The following POLD3 variants were observed in gnomAD, a reference collection of about 807,000 sequenced individuals.
The protein encoded by POLD3 is DNA polymerase delta 3, accessory subunit.
In POLD3, 19 loss-of-function variants were observed where a neutral mutation model predicts 58.2. The observed-to-expected ratio is 0.33, with a 90% CI of 0.23 to 0.48. POLD3 has a LOEUF of 0.48. Among genes scored for constraint, POLD3 ranks in the 20% least tolerant of loss-of-function variants. The pLI is 0.99. For missense variants in POLD3, 504 were observed against 545.5 expected (o/e 0.92, Z 0.76); for synonymous variants, 172 against 193.5 (o/e 0.89, Z 0.92).
At chr11:74,668,581 G>A (rs2033300272) in intron 4 of POLD3, among the ~76,000 whole-genome samples, 1 of 152,116 alleles carries the variant, frequency 6.6e-6, no homozygotes, top group Non-Finnish European at 1.5e-5. Context: ...ACCCAGTACA[G>A]GGCCAACTGG....
chr11:74,657,594 C>G (rs1000754085), intron 4 of POLD3, among the ~76,000 whole-genome samples: 1 of 151,854 alleles, frequency 6.6e-6, no homozygotes, highest in Non-Finnish European at 1.5e-5. Flanking sequence ...TTATTTATAC[C>G]TTATTGTACT....
intron 11 of POLD3, chr11:74,638,678 G>A: frequency 6.6e-6 from 3 of 455,956 alleles, no homozygotes; most frequent in South Asian, 4.7e-5. Flanking sequence ...TGAACGAATA[G>A]GTATGCCATG....
chr11:74,592,822 C>A, intron 1 of POLD3, 104 bp downstream of exon 1: 1 of 1,547,742 alleles, frequency 6.5e-7, no homozygotes, highest in Non-Finnish European at 8.7e-7. Context: ...TTCGTGGGGA[C>A]CAGGGGAGAC....
downstream of POLD3, among the ~76,000 whole-genome samples, chr11:74,645,092 A>G (rs1210204181): frequency 6.6e-6 from 1 of 152,246 alleles, no homozygotes; most frequent in African/African-American, 2.4e-5. Flanking sequence ...ATTTGACACA[A>G]TGCTTAGATG....
Position 74,618,596 on chromosome 11 carries a change from C to T in POLD3, c.452C>T (p.Ser151Phe), listed in dbSNP as rs1000133184. ...AGAGCTCCTGCTGAATCCTCTTCGT[C>T]TTCCAAAAAGTTTGAGCAGTCACAT... ...VPRAPAESSS[S>F]SKKFEQSHLH... Residue 151 changes from serine (S) to phenylalanine (F), a missense_variant, in exon 6 of 12, where the codon TCT (serine) becomes TTT (phenylalanine). By Grantham distance (155) the Ser-to-Phe change is radical. This residue lies in a region of POLD3 where 385 missense variants were observed against 370.5 expected (regional missense o/e 1.04). Coordinates refer to ENST00000263681, the MANE Select transcript of POLD3 (RefSeq NM_006591.3). 6.2e-7 allele frequency: 1 copy of T among 1,613,858 alleles called. No homozygotes were observed. Among genetic ancestry groups the T allele is most frequent in the South Asian group, 1.1e-5 (1 of 91,082 alleles).
chr11:74,636,364 A>C, intron 11 of POLD3, 89 bp downstream of exon 11: 8 of 1,284,870 alleles, frequency 6.2e-6, no homozygotes, highest in South Asian at 1.3e-5. Context: ...GGTACATCTC[A>C]AACTTTAATT....
chr11:74,649,352 G>A (rs956473767), intron 4 of POLD3, among the ~76,000 whole-genome samples: 1 of 152,206 alleles, frequency 6.6e-6, no homozygotes, highest in African/African-American at 2.4e-5. Flanking sequence ...TAGAAAGGCT[G>A]TCCAGCTAGT....
At chr11:74,658,582 C>T (rs1333343486) in intron 4 of POLD3, among the ~76,000 whole-genome samples, 1 of 152,188 alleles carries the variant, frequency 6.6e-6, no homozygotes, top group Non-Finnish European at 1.5e-5. Flanking sequence ...AAGCTAGTTA[C>T]TTCCTAGATA....
intron 9 of POLD3, among the ~76,000 whole-genome samples, chr11:74,631,810 A>G (rs1414038304): frequency 1.3e-5 from 2 of 151,994 alleles, no homozygotes; most frequent in Non-Finnish European, 2.9e-5. Flanking sequence ...GTGTCTGGAA[A>G]CAAGTTCAGA....
intron 4 of POLD3, among the ~76,000 whole-genome samples, chr11:74,663,224 TAAAG>T (rs2033226439): frequency 6.6e-6 from 1 of 152,202 alleles, no homozygotes; most frequent in Non-Finnish European, 1.5e-5. Flanking sequence ...TGAGGGAAAT[TAAAG>T]AAACTAAATT....
chr11:74,635,963 C>G (rs1178833964), intron 10 of POLD3, among the ~76,000 whole-genome samples: 1 of 152,214 alleles, frequency 6.6e-6, no homozygotes, highest in African/African-American at 2.4e-5. Flanking sequence ...ACAGTTCTTT[C>G]TTCAGCATGC....
At chr11:74,664,537 A>C (rs891401845) in intron 4 of POLD3, among the ~76,000 whole-genome samples, 1 of 152,094 alleles carries the variant, frequency 6.6e-6, no homozygotes, top group Non-Finnish European at 1.5e-5. Context: ...TTCCCAACTT[A>C]CTCTATGAGG....
chr11:74,641,974 G>A lies in POLD3; in HGVS notation c.*1208G>A, dbSNP rs960110781. On this transcript the variant is annotated 3_prime_UTR_variant, in exon 12 of 12. Transcript: ENST00000263681. ...CTTCCATTATGGCTGGACAGGCGGT[G>A]AGCTCAGTGGATTGCAGTGGTGTGC... is the stretch of plus-strand genomic sequence containing the variant. 32 of 985,344 alleles carry A rather than the reference G, an allele frequency of 3.2e-5. No individual in the cohort carries two copies. Among genetic ancestry groups the A allele is most frequent in the Non-Finnish European group, 3.7e-5 (31 of 829,962 alleles). 61.0% of individuals were successfully genotyped at this position (985,344 alleles called of 1,614,324 possible). A position where few individuals can be genotyped will look rare whatever the true frequency, so the allele number is the denominator to read the frequency against.
At chr11:74,592,971 G>C in intron 1 of POLD3, 1 of 1,360,302 alleles carries the variant, frequency 7.4e-7, no homozygotes, top group Non-Finnish European at 9.5e-7. Context: ...TGGAGCCGCG[G>C]AGACCGGGCG....
intron 3 of POLD3, among the ~76,000 whole-genome samples, chr11:74,609,614 C>T (rs766148256): frequency 3.8e-4 from 58 of 151,708 alleles, no homozygotes; most frequent in Admixed American, 9.9e-4. Context: ...AACTCCTGAC[C>T]TCGTGATCCA....
intron 7 of POLD3, among the ~76,000 whole-genome samples, chr11:74,624,702 T>C (rs1487937161): frequency 6.6e-5 from 10 of 152,188 alleles, no homozygotes. Flanking sequence ...TGCTGCACTG[T>C]AGTCATTCTT....
intron 2 of POLD3, among the ~76,000 whole-genome samples, chr11:74,594,827 A>T (rs1467277533): frequency 6.6e-6 from 1 of 152,116 alleles, no homozygotes; most frequent in East Asian, 1.9e-4. Context: ...CGAAGGGGGA[A>T]GCCCCTTGTA....
downstream of POLD3, among the ~76,000 whole-genome samples, chr11:74,644,900 GCT>G (rs1395204092): frequency 3.9e-5 from 6 of 152,154 alleles, no homozygotes. Flanking sequence ...TTACCGGACT[GCT>G]CTTGAAGAAT....
intron 5 of POLD3, among the ~76,000 whole-genome samples, chr11:74,616,493 C>T (rs1205485015): frequency 5.3e-5 from 8 of 152,138 alleles, no homozygotes; most frequent in Non-Finnish European, 8.8e-5. Context: ...AGAATTCAGA[C>T]CAGAGGAGAA....
Sources: gnomAD v4.1 joint callset for allele counts (sites outside exome capture counted in the v4.1 genomes callset) on GRCh38, gnomAD v4.1.1 for gene constraint, gnomAD v4.1.1 regional missense constraint, MANE v1.5 for transcripts, NCBI Gene and HGNC (gene_info 2026-07-23, HGNC 2026-07-21) for gene names.